Variants in RIPOR2 observed in about 807,000 individuals in gnomAD.
RIPOR2 encodes RHO family interacting cell polarization regulator 2, also known as rho family-interacting cell polarization regulator 2.
A neutral mutation model predicts 114.5 loss-of-function variants in RIPOR2; 39 were observed. That is an observed-to-expected ratio of 0.34 (90% confidence interval 0.26 to 0.44). The LOEUF (loss-of-function observed/expected upper bound fraction) is 0.44, where lower values mean the gene tolerates loss of function less well. Among genes scored for constraint, RIPOR2 ranks in the 20% least tolerant of loss-of-function variants. The pLI is 1.00. For missense variants in RIPOR2, 1,007 were observed against 1,255.1 expected, an observed-to-expected ratio of 0.80 and a Z score of 2.99; for synonymous variants, 445 against 484.4, an observed-to-expected ratio of 0.92 and a Z score of 1.07.
At chr6:24,853,017 T>A (rs1486479852) in intron 8 of RIPOR2, among the ~76,000 whole-genome samples, 3 of 152,206 alleles carry the variant, frequency 2.0e-5, no homozygotes, top group Admixed American at 1.3e-4. Flanking sequence ...TGTCCTAAAA[T>A]GTGTGATTTT....
intron 1 of RIPOR2, among the ~76,000 whole-genome samples, chr6:24,917,023 C>T (rs985290776): frequency 4.6e-5 from 7 of 152,198 alleles, no homozygotes; most frequent in African/African-American, 9.6e-5. Context: ...GTCTCCTTCT[C>T]TCCAGAAACT....
rs375931687 is a variant in RIPOR2 at position 25,032,419 on chromosome 6, C to A, written c.76+9432G>T. ...GAACTAAGCCACCTGCTCCCAAGCA[C>A]AAGAACCTCTCTGGTGCCTCAGAAA... On this transcript the variant is annotated intron_variant, in intron 1 of 13. Coordinates refer to the RIPOR2 transcript ENST00000510784. Among the ~76,000 whole-genome samples the A allele has an allele frequency of 4.6e-5, 7 of 152,290 alleles. 1 individual carries two copies. In the South Asian group the frequency reaches 1.5e-3, roughly 32 times the overall value.
intron 1 of RIPOR2, among the ~76,000 whole-genome samples, chr6:24,953,574 T>C (rs183383900): frequency 3.3e-5 from 5 of 152,314 alleles, no homozygotes; most frequent in Admixed American, 1.3e-4. Context: ...GTGTGGTACC[T>C]TGGCATTTGA....
At chr6:24,819,988 C>T (rs185087943) in intron 19 of RIPOR2, among the ~76,000 whole-genome samples, 3 of 152,060 alleles carry the variant, frequency 2.0e-5, no homozygotes, top group Admixed American at 2.0e-4. Context: ...CTATATTGTG[C>T]ATTTCTTGCT....
chr6:25,000,654 T>A (rs1342801783), intron 1 of RIPOR2, among the ~76,000 whole-genome samples: 4 of 152,050 alleles, frequency 2.6e-5, no homozygotes, highest in African/African-American at 9.7e-5. Context: ...CTTTTTTTTT[T>A]CTTCCCGTGC....
At chr6:24,951,007 C>T (rs541772080) in intron 1 of RIPOR2, among the ~76,000 whole-genome samples, 15 of 152,306 alleles carry the variant, frequency 9.8e-5, no homozygotes, top group East Asian at 1.9e-4. Flanking sequence ...AAGATCTTTG[C>T]GTGAGGCCTG....
At chr6:24,847,609 T>C (rs756046392) in intron 12 of RIPOR2, 2 of 1,551,646 alleles carry the variant, frequency 1.3e-6, no homozygotes, top group Admixed American at 3.9e-5. Flanking sequence ...GCGGCTGCGG[T>C]GCAGCTTGGC....
chr6:24,958,681 G>A (rs1399162319), intron 1 of RIPOR2, among the ~76,000 whole-genome samples: 3 of 152,140 alleles, frequency 2.0e-5, no homozygotes, highest in Non-Finnish European at 4.4e-5. Context: ...GTGAGAAACA[G>A]AGTGAACTTT....
At chr6:24,922,526 GT>G (rs112662585) in intron 1 of RIPOR2, among the ~76,000 whole-genome samples, 22,620 of 150,996 alleles carry the variant, frequency 0.15, 2,035 homozygotes, top group African/African-American at 0.25. Flanking sequence ...GTACTTTCCT[GT>G]TTTTTTTTGT....
intron 1 of RIPOR2, among the ~76,000 whole-genome samples, chr6:24,923,965 G>A (rs1770680483): frequency 1.3e-5 from 2 of 152,260 alleles, no homozygotes; most frequent in South Asian, 2.1e-4. Context: ...GAACCATGTG[G>A]CCCCTCTAAA....
chr6:24,980,793 C>T (rs1774254017), intron 1 of RIPOR2, among the ~76,000 whole-genome samples: 1 of 152,232 alleles, frequency 6.6e-6, no homozygotes, highest in Non-Finnish European at 1.5e-5. Context: ...GAGGCTTCCT[C>T]TGGCCTGATA....
At chr6:24,906,115 G>A (rs1768964913) in intron 1 of RIPOR2, among the ~76,000 whole-genome samples, 1 of 148,250 alleles carries the variant, frequency 6.7e-6, no homozygotes, top group Non-Finnish European at 1.5e-5. Flanking sequence ...ATTAATAGTA[G>A]CCTTGTTTCA....
intron 1 of RIPOR2, among the ~76,000 whole-genome samples, chr6:25,008,461 G>C (rs1245715542): frequency 6.6e-6 from 1 of 152,204 alleles, no homozygotes; most frequent in African/African-American, 2.4e-5. Context: ...CACAAGCGAA[G>C]GTGGCTCTAG....
In RIPOR2 at chr6:24,852,594, C is replaced by A. The variant is rs765253832; in HGVS notation, c.740G>T (p.Cys247Phe). 1 of 1,598,192 alleles carries A rather than the reference C, an allele frequency of 6.3e-7. No homozygotes were observed. Among genetic ancestry groups the A allele is most frequent in the Non-Finnish European group, 8.5e-7 (1 of 1,175,376 alleles). The change falls in exon 9 of 22, where the codon TGT becomes TTT. Residue 247 changes from cysteine to phenylalanine, a missense_variant. Physicochemically the swap from Cys to Phe is radical, Grantham distance 205. Transcript: ENST00000643898. ...ACTTACTTCATATTGATCTCCAGGA[C>A]AGAGGCGTGCAAAGCCAGCCAGACC... ...MKGLAGFARL[C>F]PGDQYEIFMK...
At chr6:24,807,436 C>A (rs1164852121) in intron 21 of RIPOR2, among the ~76,000 whole-genome samples, 1 of 152,188 alleles carries the variant, frequency 6.6e-6, no homozygotes, top group African/African-American at 2.4e-5. Flanking sequence ...TGCATCATTG[C>A]ACTCCAGCCT....
At position 24,825,571 on chromosome 6, in the gene RIPOR2, T is replaced by C. The variant is rs926050207; in HGVS notation, c.2666-143A>G. 3 of 640,590 alleles carry C rather than the reference T, an allele frequency of 4.7e-6. No homozygotes were observed. The Admixed American group carries it at 8.7e-5, about 19-fold the overall frequency. The allele number at this position is 640,590 out of a possible 1,614,324, so 39.7% of individuals were successfully genotyped here. A position where few individuals can be genotyped will look rare whatever the true frequency, so the allele number is the denominator to read the frequency against. On this transcript the variant is annotated intron_variant, in intron 18 of 21. Transcript: ENST00000643898. ...ATGAAAAATTAGCATCTGATAAAGA[T>C]GGTATTTCAGATTGGTGAGAAAAGG...
At chr6:25,029,411 G>GAAAAAA (rs71544610) in intron 1 of RIPOR2, among the ~76,000 whole-genome samples, 298 of 90,582 alleles carry the variant, frequency 3.3e-3, no homozygotes, top group Middle Eastern at 0.01. Context: ...TCTCAAAAAA[G>GAAAAAA]AAAAAAAAAA....
At chr6:24,981,687 C>G (rs1018996970) in intron 1 of RIPOR2, among the ~76,000 whole-genome samples, 18 of 152,308 alleles carry the variant, frequency 1.2e-4, no homozygotes, top group African/African-American at 4.1e-4. Context: ...GCTATATCAT[C>G]CAGGGTCGAA....
intron 1 of RIPOR2, among the ~76,000 whole-genome samples, chr6:24,966,171 C>A (rs1344202945): frequency 2.0e-5 from 3 of 152,298 alleles, no homozygotes; most frequent in Admixed American, 1.3e-4. Flanking sequence ...TGCTTCCCAT[C>A]TGAGCCTGTC....
Sources: gnomAD v4.1 joint callset for allele counts (sites outside exome capture counted in the v4.1 genomes callset) on GRCh38, gnomAD v4.1.1 for gene constraint, MANE v1.5 for transcripts, NCBI Gene and HGNC (gene_info 2026-07-23, HGNC 2026-07-21) for gene names.